The following TCF12 variants were observed in gnomAD, a reference collection of about 807,000 sequenced individuals.
TCF12 encodes the protein DNA-binding protein HTF4.
A neutral mutation model predicts 86.0 loss-of-function variants in TCF12; 45 were observed. That is an observed-to-expected ratio of 0.52 (90% CI 0.41 to 0.67). TCF12 has a LOEUF of 0.67. Ranked by LOEUF, TCF12 falls within the 30% of genes least tolerant of loss-of-function variation. The pLI, the probability that TCF12 is intolerant of heterozygous loss-of-function variation, is 0.00. For missense variants in TCF12, 881 were observed against 859.9 expected (o/e 1.02, Z -0.31); for synonymous variants, 330 against 299.6 (o/e 1.10, Z -1.05).
intron 20 of TCF12, among the ~76,000 whole-genome samples, chr15:57,283,031 T>C (rs2061766613): frequency 6.6e-6 from 1 of 152,234 alleles, no homozygotes; most frequent in Non-Finnish European, 1.5e-5. Context: ...CCTTTATACA[T>C]GAAAAAGTTA....
intron 3 of TCF12, among the ~76,000 whole-genome samples, chr15:57,033,318 G>GA (rs1233716191): frequency 1.3e-5 from 2 of 152,054 alleles, no homozygotes; most frequent in East Asian, 1.9e-4. Context: ...ACATTAAAGT[G>GA]AAAAAAGTCA....
At chr15:57,007,865 CCTT>C in intron 3 of TCF12, among the ~76,000 whole-genome samples, 1 of 11,928 alleles carries the variant, frequency 8.4e-5, no homozygotes, top group African/African-American at 2.2e-4. Context: ...TTCCTTCCTT[CCTT>C]CCTTCCTTCC....
At chr15:57,242,182 A>T (rs1216906625) in intron 12 of TCF12, among the ~76,000 whole-genome samples, 1 of 152,178 alleles carries the variant, frequency 6.6e-6, no homozygotes, top group African/African-American at 2.4e-5. Context: ...AGTTTATTCA[A>T]AGCAAGGTCA....
At chr15:56,946,249 G>T (rs2060991382) in intron 3 of TCF12, among the ~76,000 whole-genome samples, 1 of 152,038 alleles carries the variant, frequency 6.6e-6, no homozygotes, top group Non-Finnish European at 1.5e-5. Flanking sequence ...TAGCACTCTT[G>T]ATACTGTTCC....
intron 5 of TCF12, among the ~76,000 whole-genome samples, chr15:57,131,687 A>G (rs1439730657): frequency 1.3e-5 from 2 of 152,204 alleles, no homozygotes; most frequent in African/African-American, 4.8e-5. Flanking sequence ...TACTCTGAAG[A>G]TGACTAGACA....
chr15:57,188,663 A>G (rs10467929), intron 6 of TCF12, among the ~76,000 whole-genome samples: 35,277 of 152,120 alleles, frequency 0.23, 4,684 homozygotes, highest in East Asian at 0.4. Context: ...TTGATTTTCA[A>G]CAAGATACCA....
Position 57,262,020 on chromosome 15 carries a change from T to C in TCF12, c.1468-74T>C. 6.3e-6 allele frequency: 6 copies of C among 958,036 alleles called. No individual in the cohort carries two copies. The South Asian group carries it at 1.0e-4, about 16-fold the overall frequency. The allele number at this position is 958,036 out of a possible 1,614,324, so 59.3% of individuals were successfully genotyped here. A position where few individuals can be genotyped will look rare whatever the true frequency, so the allele number is the denominator to read the frequency against. On this transcript the variant is annotated intron_variant, in intron 16 of 20. Transcript: ENST00000333725. ...ACACTGTTTTCTCTATTAAACCTAG[T>C]AAAATAATTTGGACAGTTATTGCCT... is the stretch of plus-strand genomic sequence containing the variant.
intron 19 of TCF12, among the ~76,000 whole-genome samples, chr15:57,273,623 C>T (rs1264751610): frequency 6.6e-6 from 1 of 152,086 alleles, no homozygotes; most frequent in Admixed American, 6.6e-5. Context: ...TTATGTCTTT[C>T]CTACTTCTCT....
At chr15:57,105,384 G>A (rs1266803128) in intron 5 of TCF12, among the ~76,000 whole-genome samples, 2 of 152,068 alleles carry the variant, frequency 1.3e-5, no homozygotes, top group Non-Finnish European at 2.9e-5. Flanking sequence ...CATTGTACCT[G>A]CATAATTATG....
At chr15:57,009,743 T>C (rs2064704671) in intron 3 of TCF12, among the ~76,000 whole-genome samples, 1 of 152,204 alleles carries the variant, frequency 6.6e-6, no homozygotes, top group South Asian at 2.1e-4. Context: ...CTCAAATTTA[T>C]TGTGCTACAT....
intron 11 of TCF12, 57 bp downstream of exon 11, chr15:57,232,913 G>T: frequency 1.5e-6 from 2 of 1,314,088 alleles, no homozygotes; most frequent in South Asian, 3.6e-5. Flanking sequence ...CAGTGACCCC[G>T]ATATCTTTAT....
intron 6 of TCF12, among the ~76,000 whole-genome samples, chr15:57,189,685 A>C (rs2056879344): frequency 1.3e-5 from 2 of 152,248 alleles, no homozygotes. Context: ...GCAGTTCCTC[A>C]AAAAGTTAAA....
intron 3 of TCF12, among the ~76,000 whole-genome samples, chr15:56,963,773 T>C (rs1170726543): frequency 6.6e-6 from 1 of 152,246 alleles, no homozygotes; most frequent in Non-Finnish European, 1.5e-5. Context: ...CCCTGTGTTA[T>C]AACGAGTAGA....
chr15:57,110,463 T>C (rs549464097), intron 5 of TCF12, among the ~76,000 whole-genome samples: 6 of 152,320 alleles, frequency 3.9e-5, no homozygotes, highest in African/African-American at 1.4e-4. Flanking sequence ...ATACAGAATC[T>C]AAACAAATGC....
intron 3 of TCF12, among the ~76,000 whole-genome samples, chr15:56,978,738 C>T (rs2062740828): frequency 1.3e-5 from 2 of 152,162 alleles, no homozygotes; most frequent in African/African-American, 4.8e-5. Context: ...TGAAAGCTCT[C>T]TTTGGCTCTT....
At chr15:57,246,833 C>G (rs2059886032) in intron 13 of TCF12, 1 of 347,696 alleles carries the variant, frequency 2.9e-6, no homozygotes. Context: ...ATCATTGTTC[C>G]TTCTGTGGCA....
chr15:56,942,716 CTAAAG>C (rs1465588235), intron 3 of TCF12, among the ~76,000 whole-genome samples: 1 of 152,112 alleles, frequency 6.6e-6, no homozygotes, highest in Non-Finnish European at 1.5e-5. Context: ...GAGGCAAAAT[CTAAAG>C]TAAGTCTTCA....
At chr15:57,072,181 C>A (rs2069452694) in intron 4 of TCF12, among the ~76,000 whole-genome samples, 1 of 152,006 alleles carries the variant, frequency 6.6e-6, no homozygotes, top group South Asian at 2.1e-4. Flanking sequence ...AATCAGATTG[C>A]AAAGTTATAT....
At chr15:57,069,635 A>G (rs1486121011) in intron 4 of TCF12, among the ~76,000 whole-genome samples, 6 of 151,212 alleles carry the variant, frequency 4.0e-5, no homozygotes, top group Non-Finnish European at 7.4e-5. Flanking sequence ...TGCTGTATGT[A>G]GAGATTTGGC....
Sources: allele counts gnomAD v4.1 joint callset (sites outside exome capture counted in the v4.1 genomes callset), GRCh38; gene constraint gnomAD v4.1.1; transcripts MANE v1.5; gene names NCBI Gene and HGNC (gene_info 2026-07-23, HGNC 2026-07-21).